Variants in DLGAP2 observed in about 807,000 individuals in gnomAD.
DLGAP2 encodes the protein DLG associated protein 2, also known as disks large-associated protein 2.
Under a neutral mutation model 100.3 loss-of-function variants are expected in DLGAP2, and 26 were observed. The ratio of observed to expected loss-of-function variants is 0.26; its 90% CI spans 0.19 to 0.36. DLGAP2 has a LOEUF of 0.36. Among genes scored for constraint, DLGAP2 ranks in the 10% least tolerant of loss-of-function variants. The pLI is 1.00. For synonymous variants in DLGAP2, 886 were observed against 630.1 expected (o/e 1.41, Z -6.08); for missense variants, 1,858 against 1,453.2 (o/e 1.28, Z -4.53).
rs140854209 is a variant in DLGAP2, at chr8:1,270,981, T to G, written c.106+12098T>G. ...TATTGTTAGACGTGTTGCAAAAAGG[T>G]AGATGGGAAGTAATTTTTTAAATTT... On this transcript the variant is annotated intron_variant, in intron 3 of 14. Coordinates refer to ENST00000637795, the MANE Select transcript of DLGAP2 (RefSeq NM_001346810.2). 2.8e-4 allele frequency among the ~76,000 whole-genome samples: 43 copies of G among 152,260 alleles called. 1 individual carries two copies. Among genetic ancestry groups the G allele is most frequent in the African/African-American group, 9.9e-4 (41 of 41,532 alleles).
intron 1 of DLGAP2, among the ~76,000 whole-genome samples, chr8:871,977 T>G (rs1319109337): frequency 6.6e-6 from 1 of 152,198 alleles, no homozygotes; most frequent in Non-Finnish European, 1.5e-5. Context: ...TACTCTACAG[T>G]TTTTGCGTTA....
At chr8:1,609,090 A>G (rs1197557144) in intron 6 of DLGAP2, among the ~76,000 whole-genome samples, 2 of 129,038 alleles carry the variant, frequency 1.5e-5, no homozygotes, top group Non-Finnish European at 3.4e-5. Flanking sequence ...CATAATTGTC[A>G]GATTCACCAA....
chr8:1,142,070 A>G (rs575441425), intron 2 of DLGAP2, among the ~76,000 whole-genome samples: 17 of 101,290 alleles, frequency 1.7e-4, no homozygotes, highest in Non-Finnish European at 3.1e-4. Flanking sequence ...GCCTACGTAT[A>G]TAAGTTTTTT....
chr8:777,771 G>A (rs1355897502), intron 1 of DLGAP2, among the ~76,000 whole-genome samples: 1 of 152,070 alleles, frequency 6.6e-6, no homozygotes, highest in Non-Finnish European at 1.5e-5. Context: ...TTTCTCTCTG[G>A]CTGCCCTTAA....
chr8:1,098,124 C>T (rs1804449621), intron 2 of DLGAP2, among the ~76,000 whole-genome samples: 1 of 152,274 alleles, frequency 6.6e-6, no homozygotes, highest in African/African-American at 2.4e-5. Flanking sequence ...TTGGCGGCGC[C>T]ACTGGACACA....
intron 4 of DLGAP2, among the ~76,000 whole-genome samples, chr8:1,505,232 AT>A (rs1385734734): frequency 1.3e-5 from 2 of 152,260 alleles, no homozygotes; most frequent in African/African-American, 4.8e-5. Flanking sequence ...TCAAATTAAA[AT>A]TAAAAACACT....
chr8:1,234,098 G>A (rs182870036), intron 2 of DLGAP2, among the ~76,000 whole-genome samples: 2 of 152,188 alleles, frequency 1.3e-5, no homozygotes, highest in Non-Finnish European at 2.9e-5. Flanking sequence ...AAGTTCTTCA[G>A]CATTGTAGCC....
At chr8:983,694 C>T (rs1450364445) in intron 2 of DLGAP2, among the ~76,000 whole-genome samples, 1 of 152,124 alleles carries the variant, frequency 6.6e-6, no homozygotes, top group Non-Finnish European at 1.5e-5. Context: ...CCAGGCTGGA[C>T]TGCAGTGGTG....
intron 1 of DLGAP2, among the ~76,000 whole-genome samples, chr8:854,963 G>T (rs991514119): frequency 3.3e-5 from 5 of 152,204 alleles, no homozygotes; most frequent in African/African-American, 9.7e-5. Context: ...AGCGGTTTGG[G>T]CAAAGTGCAG....
intron 2 of DLGAP2, among the ~76,000 whole-genome samples, chr8:1,094,099 G>A (rs942400018): frequency 3.3e-5 from 5 of 152,030 alleles, no homozygotes; most frequent in African/African-American, 1.2e-4. Flanking sequence ...GCTCTGTGGT[G>A]GATGGAGGGC....
At chr8:837,820 A>G (rs1046715293) in intron 1 of DLGAP2, among the ~76,000 whole-genome samples, 1 of 150,396 alleles carries the variant, frequency 6.6e-6, no homozygotes, top group African/African-American at 2.4e-5. Context: ...GGGTTCAAGC[A>G]ATTCTCCTGC....
At position 1,686,068 on chromosome 8, in the gene DLGAP2, G is replaced by A. The variant is rs78672590; in HGVS notation, c.2705-5467G>A. 3.3e-3 allele frequency among the ~76,000 whole-genome samples: 507 copies of A among 152,266 alleles called. 4 individuals are homozygous for A. The highest frequency in any genetic ancestry group is 0.012 in the African/African-American group (478 of 41,556). ...CATGTGATCCAGTCATTGTCCTGCT[G>A]GGCATAGACCCAAACAAAAGGAAAT... On this transcript the variant is annotated intron_variant, in intron 12 of 14. Transcript: ENST00000637795.
At chr8:1,596,357 G>C (rs1039895148) in intron 6 of DLGAP2, among the ~76,000 whole-genome samples, 2 of 152,152 alleles carry the variant, frequency 1.3e-5, no homozygotes, top group African/African-American at 4.8e-5. Flanking sequence ...CTTTATAGTA[G>C]AATGATTTGT....
intron 2 of DLGAP2, among the ~76,000 whole-genome samples, chr8:1,132,204 A>G (rs1796308897): frequency 6.6e-6 from 1 of 152,244 alleles, no homozygotes; most frequent in African/African-American, 2.4e-5. Flanking sequence ...AGAAATAGAA[A>G]GCCATGTTTT....
chr8:1,100,602 C>T (rs187627714), intron 2 of DLGAP2, among the ~76,000 whole-genome samples: 1 of 152,136 alleles, frequency 6.6e-6, no homozygotes, highest in Non-Finnish European at 1.5e-5. Context: ...GGGAATTACT[C>T]TATAAGAAAA....
chr8:1,277,311 T>A (rs769385856), intron 3 of DLGAP2, among the ~76,000 whole-genome samples: 3 of 152,198 alleles, frequency 2.0e-5, no homozygotes, highest in Non-Finnish European at 4.4e-5. Flanking sequence ...GTAACTGTAT[T>A]TTTTTGTTGT....
intron 2 of DLGAP2, among the ~76,000 whole-genome samples, chr8:1,020,918 G>A (rs1312754649): frequency 6.6e-6 from 1 of 152,172 alleles, no homozygotes; most frequent in Non-Finnish European, 1.5e-5. Flanking sequence ...TCATACAAAT[G>A]CTCATCTAGG....
At chr8:1,223,346 C>A (rs1798354396) in intron 2 of DLGAP2, among the ~76,000 whole-genome samples, 1 of 152,186 alleles carries the variant, frequency 6.6e-6, no homozygotes, top group Non-Finnish European at 1.5e-5. Context: ...GAAGCGCTTC[C>A]CGTGTGCATG....
chr8:1,219,125 C>G (rs1033586507), intron 2 of DLGAP2, among the ~76,000 whole-genome samples: 2 of 152,130 alleles, frequency 1.3e-5, no homozygotes, highest in African/African-American at 4.8e-5. Context: ...TTTCTCTTGC[C>G]TGACTGCTCT....
Sources: allele counts gnomAD v4.1 joint callset (sites outside exome capture counted in the v4.1 genomes callset), GRCh38; gene constraint gnomAD v4.1.1; transcripts MANE v1.5; gene names NCBI Gene and HGNC (gene_info 2026-07-23, HGNC 2026-07-21).